Variants in HEMK2 observed in about 807,000 individuals in gnomAD.
HEMK2 encodes methyltransferase HEMK2.
chr21:28,867,022 T>A, the HEMK2 span, among the ~76,000 whole-genome samples: 3 of 152,048 alleles, frequency 2.0e-5, no homozygotes, highest in Non-Finnish European at 4.4e-5. Flanking sequence ...GTCCCAAATA[T>A]TGGTGAAGAT....
At chr21:28,699,312 CACAA>C in the HEMK2 span, among the ~76,000 whole-genome samples, 1 of 152,276 alleles carries the variant, frequency 6.6e-6, no homozygotes, top group African/African-American at 2.4e-5. Flanking sequence ...AAGAGCAAGG[CACAA>C]ACAGTTTTGG....
At chr21:28,849,316 T>C in the HEMK2 span, among the ~76,000 whole-genome samples, 1 of 150,208 alleles carries the variant, frequency 6.7e-6, no homozygotes, top group Non-Finnish European at 1.5e-5. Flanking sequence ...ACAATCAAAC[T>C]CCCAGAGCAT....
the HEMK2 span, among the ~76,000 whole-genome samples, chr21:28,750,917 A>C: frequency 6.6e-6 from 1 of 152,102 alleles, no homozygotes; most frequent in Admixed American, 6.5e-5. Context: ...CCATGTTTAG[A>C]AACTTCAGAG....
At chr21:28,802,523 T>G in the HEMK2 span, among the ~76,000 whole-genome samples, 1 of 150,818 alleles carries the variant, frequency 6.6e-6, no homozygotes, top group Non-Finnish European at 1.5e-5. Flanking sequence ...AAGTCAGGAG[T>G]TCAAGACCAG....
chr21:28,788,801 C>T, the HEMK2 span, among the ~76,000 whole-genome samples: 1 of 151,758 alleles, frequency 6.6e-6, no homozygotes, highest in Non-Finnish European at 1.5e-5. Context: ...GAAATAGGGT[C>T]CTTGCAGATG....
chr21:28,673,006 GAA>G, the HEMK2 span, among the ~76,000 whole-genome samples: 1 of 131,104 alleles, frequency 7.6e-6, no homozygotes, highest in African/African-American at 3.4e-5. Context: ...GAAAGAGAAA[GAA>G]AGAAAGAAAG....
At chr21:28,838,982 T>A in the HEMK2 span, among the ~76,000 whole-genome samples, 367 of 54,022 alleles carry the variant, frequency 6.8e-3, 8 homozygotes, top group Non-Finnish European at 8.1e-3. Flanking sequence ...AATATATATA[T>A]ATATATATAT....
chr21:28,809,073 C>T, the HEMK2 span, among the ~76,000 whole-genome samples: 1 of 152,042 alleles, frequency 6.6e-6, no homozygotes, highest in Non-Finnish European at 1.5e-5. Context: ...GAGAAATTCA[C>T]AATTGCTCTA....
the HEMK2 span, among the ~76,000 whole-genome samples, chr21:28,831,515 GA>G: frequency 5.4e-4 from 49 of 91,224 alleles, 3 homozygotes; most frequent in African/African-American, 2.2e-3. Flanking sequence ...AAGAAAGAAA[GA>G]AAGAAAGAAG....
chr21:28,865,230 A>G, the HEMK2 span, among the ~76,000 whole-genome samples: 3 of 152,132 alleles, frequency 2.0e-5, no homozygotes, highest in Non-Finnish European at 2.9e-5. Context: ...CAGTGGCACA[A>G]TCTCCACTCA....
chr21:28,583,188 C>T, the HEMK2 span, among the ~76,000 whole-genome samples: 1 of 151,944 alleles, frequency 6.6e-6, no homozygotes, highest in Non-Finnish European at 1.5e-5. Context: ...AAATACATTT[C>T]TAAATATGAA....
the HEMK2 span, among the ~76,000 whole-genome samples, chr21:28,684,555 T>C: frequency 2.0e-5 from 3 of 152,250 alleles, no homozygotes; most frequent in African/African-American, 7.2e-5. Flanking sequence ...GCAACCATCC[T>C]GTGACTGTGA....
At chr21:28,821,034 C>A in the HEMK2 span, among the ~76,000 whole-genome samples, 1 of 152,182 alleles carries the variant, frequency 6.6e-6, no homozygotes, top group East Asian at 1.9e-4. Context: ...GTTTTCATTT[C>A]TTATATTTAT....
At chr21:28,855,246 C>T in the HEMK2 span, among the ~76,000 whole-genome samples, 2 of 151,790 alleles carry the variant, frequency 1.3e-5, no homozygotes, top group Non-Finnish European at 2.9e-5. Context: ...AAACCAACAA[C>T]ATTCGAAAGA....
At chr21:28,646,994 T>C in the HEMK2 span, among the ~76,000 whole-genome samples, 1 of 152,144 alleles carries the variant, frequency 6.6e-6, no homozygotes, top group African/African-American at 2.4e-5. Flanking sequence ...TGTGGTAAAG[T>C]CATATTGGAA....
At chr21:28,757,859 G>T in the HEMK2 span, among the ~76,000 whole-genome samples, 2 of 152,266 alleles carry the variant, frequency 1.3e-5, no homozygotes, top group African/African-American at 4.8e-5. Context: ...CTGGGTATAA[G>T]AGACAGACTG....
the HEMK2 span, among the ~76,000 whole-genome samples, chr21:28,656,061 A>G: frequency 6.6e-6 from 1 of 152,134 alleles, no homozygotes; most frequent in Non-Finnish European, 1.5e-5. Context: ...TCAGGAAAAT[A>G]AAGTCAAAAT....
At chr21:28,808,550 T>C in the HEMK2 span, among the ~76,000 whole-genome samples, 2 of 152,146 alleles carry the variant, frequency 1.3e-5, no homozygotes, top group African/African-American at 2.4e-5. Context: ...TTGGGTCTTG[T>C]TTAATTTCCC....
chr21:28,769,734 G>T, the HEMK2 span, among the ~76,000 whole-genome samples: 10 of 152,064 alleles, frequency 6.6e-5, no homozygotes, highest in Admixed American at 1.3e-4. Context: ...TTGTCCTACA[G>T]GGAAAAGCCT....
Sources: allele counts gnomAD v4.1 joint callset (sites outside exome capture counted in the v4.1 genomes callset), GRCh38; gene constraint gnomAD v4.1.1; transcripts MANE v1.5; gene names NCBI Gene and HGNC (gene_info 2026-07-23, HGNC 2026-07-21).